Variants in NUP37 observed in about 807,000 individuals in gnomAD.
NUP37 encodes nucleoporin Nup37.
A neutral mutation model predicts 45.4 loss-of-function variants in NUP37; 33 were observed. The observed-to-expected ratio is 0.73, with a 90% CI of 0.55 to 0.97. The LOEUF (loss-of-function observed/expected upper bound fraction) is 0.97, where lower values mean the gene tolerates loss of function less well. Ranked by LOEUF, NUP37 falls within the 50% of genes least tolerant of loss-of-function variation. NUP37 has a pLI of 0.00. For missense variants in NUP37, 365 were observed against 389.7 expected, an observed-to-expected ratio of 0.94 and a Z score of 0.53; for synonymous variants, 127 against 130.7, an observed-to-expected ratio of 0.97 and a Z score of 0.19.
At chr12:102,098,634 C>T (rs540594514) in intron 5 of NUP37, among the ~76,000 whole-genome samples, 12 of 151,904 alleles carry the variant, frequency 7.9e-5, no homozygotes, top group Non-Finnish European at 1.6e-4. Flanking sequence ...CAGGTTCAAG[C>T]GATTCCCTTG....
intron 2 of NUP37, chr12:102,115,803 C>G (rs1216543400): frequency 1.0e-6 from 1 of 981,394 alleles, no homozygotes; most frequent in African/African-American, 1.8e-5. Context: ...CTTAATTTAC[C>G]TTTACTTAGT....
chr12:102,099,954 C>T (rs1230425404), intron 4 of NUP37, among the ~76,000 whole-genome samples: 2 of 151,848 alleles, frequency 1.3e-5, no homozygotes, highest in Non-Finnish European at 2.9e-5. Context: ...CTATATAGTA[C>T]TGCTCACTAT....
At chr12:102,094,576 A>G (rs1442688030) in intron 5 of NUP37, among the ~76,000 whole-genome samples, 3 of 152,134 alleles carry the variant, frequency 2.0e-5, no homozygotes, top group African/African-American at 7.2e-5. Context: ...AAACAAAGGT[A>G]ATATGAAAAA....
intron 3 of NUP37, among the ~76,000 whole-genome samples, chr12:102,105,936 C>A (rs1880138869): frequency 6.6e-6 from 1 of 151,676 alleles, no homozygotes; most frequent in African/African-American, 2.4e-5. Context: ...CGAGTGCTGC[C>A]TTATTTGAAA....
intron 6 of NUP37, among the ~76,000 whole-genome samples, chr12:102,082,349 C>T (rs1879351980): frequency 1.3e-5 from 2 of 151,098 alleles, no homozygotes; most frequent in South Asian, 4.3e-4. Flanking sequence ...CAAGGCCAAG[C>T]ATAAGAGGCT....
chr12:102,079,924 G>GT (rs746511535), intron 6 of NUP37, among the ~76,000 whole-genome samples: 1 of 152,136 alleles, frequency 6.6e-6, no homozygotes, highest in Non-Finnish European at 1.5e-5. Flanking sequence ...TGCTCCCTGC[G>GT]TATGTCTGTG....
rs916540159 is a variant in NUP37, at chr12:102,104,452, T to C, written c.282-3348A>G. On this transcript the variant is annotated intron_variant, in intron 3 of 9. Coordinates refer to ENST00000552283, the MANE Select transcript of NUP37 (RefSeq NM_024057.4). ...TTGACTCTGTTGACTTCCCTTGCCA[T>C]GTACTAGTTTTAAAGTTTGATTTAG... Among the ~76,000 whole-genome samples the C allele has an allele frequency of 3.3e-5, 5 of 152,296 alleles. No individual in the cohort carries two copies. In the South Asian group the frequency reaches 6.2e-4, roughly 19 times the overall value.
intron 3 of NUP37, among the ~76,000 whole-genome samples, chr12:102,103,453 C>A (rs1173034694): frequency 6.6e-6 from 1 of 152,176 alleles, no homozygotes; most frequent in Non-Finnish European, 1.5e-5. Context: ...TGCAACCTTA[C>A]TGAATTCACT....
chr12:102,090,959 A>G (rs1167131141), intron 5 of NUP37, among the ~76,000 whole-genome samples: 1 of 152,238 alleles, frequency 6.6e-6, no homozygotes, highest in African/African-American at 2.4e-5. Context: ...AGACAACAGG[A>G]TTTCTACTAT....
At chr12:102,080,614 G>A (rs572358853) in intron 6 of NUP37, among the ~76,000 whole-genome samples, 2 of 152,232 alleles carry the variant, frequency 1.3e-5, no homozygotes, top group Non-Finnish European at 2.9e-5. Flanking sequence ...AATTACTATC[G>A]TTAATCCCAT....
intron 1 of NUP37, chr12:102,119,326 G>A (rs755059539): frequency 2.0e-5 from 3 of 151,512 alleles, no homozygotes; most frequent in Non-Finnish European, 4.4e-5. Context: ...TTAATACCTA[G>A]GTGATGGGTG....
At chr12:102,116,529 C>T (rs1880467515) in intron 2 of NUP37, among the ~76,000 whole-genome samples, 1 of 152,134 alleles carries the variant, frequency 6.6e-6, no homozygotes, top group Non-Finnish European at 1.5e-5. Context: ...AATTTCTACT[C>T]CCACCCAAAC....
intron 5 of NUP37, among the ~76,000 whole-genome samples, chr12:102,091,419 A>AC (rs1879650247): frequency 6.7e-6 from 1 of 149,978 alleles, no homozygotes; most frequent in Admixed American, 6.6e-5. Flanking sequence ...AAAAAAAAAA[A>AC]AAAAAAAAAC....
chr12:102,092,079 G>A (rs755610975), intron 5 of NUP37, among the ~76,000 whole-genome samples: 12 of 152,176 alleles, frequency 7.9e-5, no homozygotes, highest in Non-Finnish European at 1.3e-4. Context: ...AAAGAAAGAT[G>A]TTCTGTCCGA....
At chr12:102,101,294 A>G (rs1879965463) in intron 3 of NUP37, among the ~76,000 whole-genome samples, 190 bp from the exon 4 acceptor site, 1 of 152,192 alleles carries the variant, frequency 6.6e-6, no homozygotes, top group South Asian at 2.1e-4. Context: ...CACAGAAAGT[A>G]GGAGTCATAT....
chr12:102,092,446 C>G (rs1342540524), intron 5 of NUP37, among the ~76,000 whole-genome samples: 1 of 152,144 alleles, frequency 6.6e-6, no homozygotes, highest in Non-Finnish European at 1.5e-5. Flanking sequence ...GAAAGGGACC[C>G]TCAACATTCT....
intron 3 of NUP37, among the ~76,000 whole-genome samples, chr12:102,111,896 A>T (rs1000878242): frequency 6.6e-6 from 1 of 152,258 alleles, no homozygotes; most frequent in Non-Finnish European, 1.5e-5. Flanking sequence ...GCTCAAACAC[A>T]TGGTCAAGGC....
chr12:102,079,872 G>A (rs570420963), intron 6 of NUP37, among the ~76,000 whole-genome samples: 58 of 152,304 alleles, frequency 3.8e-4, no homozygotes, highest in Admixed American at 1.4e-3. Context: ...AATTTTAGGT[G>A]AGCAAGTGCA....
At chr12:102,084,897 G>GTT (rs910707665) in intron 6 of NUP37, among the ~76,000 whole-genome samples, 1 of 152,140 alleles carries the variant, frequency 6.6e-6, no homozygotes, top group Non-Finnish European at 1.5e-5. Context: ...GAGAATTCTT[G>GTT]TTTAATGGCT....
Sources: gnomAD v4.1 joint callset for allele counts (sites outside exome capture counted in the v4.1 genomes callset) on GRCh38, gnomAD v4.1.1 for gene constraint, MANE v1.5 for transcripts, NCBI Gene and HGNC (gene_info 2026-07-23, HGNC 2026-07-21) for gene names.